The following CAMSAP1 variants were observed in gnomAD, a reference collection of about 807,000 sequenced individuals.
The protein encoded by CAMSAP1 is calmodulin-regulated spectrin-associated protein 1.
CAMSAP1 carries 58 observed loss-of-function variants against 143.5 expected under a neutral mutation model. The observed-to-expected ratio is 0.40, with a 90% CI of 0.33 to 0.50. The LOEUF (loss-of-function observed/expected upper bound fraction) is 0.50, where lower values mean the gene tolerates loss of function less well. Among genes scored for constraint, CAMSAP1 ranks in the 20% least tolerant of loss-of-function variants. CAMSAP1 has a pLI of 0.45. For synonymous variants in CAMSAP1, 945 were observed against 859.3 expected, an observed-to-expected ratio of 1.10 and a Z score of -1.74; for missense variants, 1,969 against 2,115.7, an observed-to-expected ratio of 0.93 and a Z score of 1.36.
At chr9:135,874,355 C>T (rs1165617616) in intron 3 of CAMSAP1, among the ~76,000 whole-genome samples, 2 of 151,366 alleles carry the variant, frequency 1.3e-5, no homozygotes, top group African/African-American at 2.4e-5. Flanking sequence ...TGCTGTAGTC[C>T]CAGCTATTCA....
At chr9:135,843,735 G>A (rs550846355) in intron 7 of CAMSAP1, among the ~76,000 whole-genome samples, 31 of 151,994 alleles carry the variant, frequency 2.0e-4, no homozygotes, top group African/African-American at 4.6e-4. Context: ...TTGGCTGGGC[G>A]TGGTGGCGGG....
At chr9:135,902,448 C>A (rs1838645170) in intron 1 of CAMSAP1, among the ~76,000 whole-genome samples, 1 of 152,146 alleles carries the variant, frequency 6.6e-6, no homozygotes. Context: ...AATAAAGAGT[C>A]TCAATTTTTA....
Position 135,822,082 on chromosome 9 carries a change from T to C in CAMSAP1, c.2579A>G (p.Glu860Gly). 6.2e-7 allele frequency: 1 copy of C among 1,612,632 alleles called. No individual in the cohort carries two copies. Among genetic ancestry groups the C allele is most frequent in the Non-Finnish European group, 8.5e-7 (1 of 1,179,620 alleles). Residue 860 changes from glutamate to glycine, a missense_variant, in exon 11 of 17, where the codon GAG becomes GGG. By Grantham distance (98) the Glu-to-Gly change is moderately conservative (BLOSUM62 -2). Transcript: ENST00000389532. This position sits in a 1 kb window ranked among gnomAD's most constrained non-coding sequence, Gnocchi z 6.1. ...CTTGCCATGCTGGCTCGGACTCTGCTCCCTCTTCTGCCTCCACGTCGTCAG... is the reference window on the plus strand; with the variant it reads ...CTTGCCATGCTGGCTCGGACTCTGCCCCCTCTTCTGCCTCCACGTCGTCAG... ...APLTTWRQKR[E>G]QSPSQHGKDP...
intron 7 of CAMSAP1, among the ~76,000 whole-genome samples, chr9:135,832,872 A>T (rs1283350271): frequency 2.0e-5 from 3 of 152,242 alleles, no homozygotes; most frequent in African/African-American, 7.2e-5. Flanking sequence ...AACACTGATG[A>T]AAGAAATTGA....
chr9:135,887,908 T>C (rs1290038617), intron 1 of CAMSAP1, among the ~76,000 whole-genome samples: 1 of 152,150 alleles, frequency 6.6e-6, no homozygotes, highest in Non-Finnish European at 1.5e-5. Flanking sequence ...GCATTCGCAG[T>C]GGCTGCTGGA....
chr9:135,895,358 A>G (rs1838409565), intron 1 of CAMSAP1, among the ~76,000 whole-genome samples: 1 of 152,218 alleles, frequency 6.6e-6, no homozygotes, highest in African/African-American at 2.4e-5. Context: ...GGTACGATAC[A>G]TACAAGGGAA....
chr9:135,841,877 C>T (rs1435428126), intron 7 of CAMSAP1, among the ~76,000 whole-genome samples: 3 of 152,146 alleles, frequency 2.0e-5, no homozygotes, highest in Non-Finnish European at 4.4e-5. Context: ...TAGATAAATC[C>T]ACAAAGATGA....
chr9:135,904,726 T>C (rs1224994649), intron 1 of CAMSAP1, among the ~76,000 whole-genome samples: 2 of 151,956 alleles, frequency 1.3e-5, no homozygotes, highest in Non-Finnish European at 2.9e-5. Flanking sequence ...CCCAGCACTT[T>C]GGGAGGCCAA....
chr9:135,872,481 G>T (rs2130958942), intron 3 of CAMSAP1, among the ~76,000 whole-genome samples: 1 of 152,172 alleles, frequency 6.6e-6, no homozygotes, highest in South Asian at 2.1e-4. Context: ...AAAAAGAAAA[G>T]AGATAAACAG....
chr9:135,847,444 A>G (rs1836596049), intron 7 of CAMSAP1, among the ~76,000 whole-genome samples: 1 of 152,126 alleles, frequency 6.6e-6, no homozygotes, highest in Admixed American at 6.5e-5. Flanking sequence ...TCACAATGGC[A>G]AAGACTTGGA....
At chr9:135,887,642 G>A (rs1838167205) in intron 1 of CAMSAP1, among the ~76,000 whole-genome samples, 1 of 152,158 alleles carries the variant, frequency 6.6e-6, no homozygotes, top group Admixed American at 6.5e-5. Context: ...TACAGACGCA[G>A]GGAAGGGGTG....
chr9:135,841,542 C>T (rs1337845335), intron 7 of CAMSAP1, among the ~76,000 whole-genome samples: 2 of 152,232 alleles, frequency 1.3e-5, no homozygotes, highest in African/African-American at 2.4e-5. Context: ...GACTCCCGTG[C>T]CTCCTGACTG....
intron 3 of CAMSAP1, among the ~76,000 whole-genome samples, chr9:135,869,277 T>C (rs1019076241): frequency 2.6e-5 from 4 of 151,846 alleles, no homozygotes; most frequent in Non-Finnish European, 5.9e-5. Flanking sequence ...CTGAAGCAGA[T>C]GGAGCTCTTG....
chr9:135,863,762 A>G (rs1837278248), intron 4 of CAMSAP1, among the ~76,000 whole-genome samples: 1 of 152,226 alleles, frequency 6.6e-6, no homozygotes. Context: ...CACACACTAC[A>G]AAACGTGACC....
Position 135,890,352 on chromosome 9 carries a change from T to C in CAMSAP1, c.161-7274A>G, listed in dbSNP as rs146405695. The stretch of plus-strand genomic sequence containing the variant: ...CTGCGGGAGGCTCTGGCCGGCCAAC[T>C]GGGTGGTGAGGAATCACCAGGCCAA... On this transcript the variant is annotated intron_variant, in intron 1 of 16. Coordinates refer to ENST00000389532, the MANE Select transcript of CAMSAP1 (RefSeq NM_015447.4). 3.5e-3 allele frequency among the ~76,000 whole-genome samples: 525 copies of C among 152,142 alleles called. 3 individuals carry two copies. Among genetic ancestry groups the C allele is most frequent in the Middle Eastern group, 0.014 (4 of 294 alleles).
intron 7 of CAMSAP1, among the ~76,000 whole-genome samples, chr9:135,847,308 C>T (rs1348715269): frequency 6.6e-6 from 1 of 151,990 alleles, no homozygotes; most frequent in Non-Finnish European, 1.5e-5. Flanking sequence ...TGAGCTGAGA[C>T]TGTGCCACTG....
chr9:135,818,885 AG>A lies in CAMSAP1; in HGVS notation c.3959+124del. ...AAAGTTCGGGGAGGTGGTCCATGGG[AG>A]GAGTAAGACCGTCACAGGCACTCAT... On this transcript the variant is annotated intron_variant, in intron 12 of 16. Coordinates refer to ENST00000389532, the MANE Select transcript of CAMSAP1 (RefSeq NM_015447.4). This position sits in a 1 kb window ranked among gnomAD's most constrained non-coding sequence, Gnocchi z 7.7. The A allele has an allele frequency of 1.4e-6, 2 of 1,411,052 alleles. No homozygotes were observed. Among genetic ancestry groups the A allele is most frequent in the Non-Finnish European group, 1.9e-6 (2 of 1,048,082 alleles). 87.4% of individuals were successfully genotyped at this position (1,411,052 alleles called of 1,614,324 possible). A position where few individuals can be genotyped will look rare whatever the true frequency, so the allele number is the denominator to read the frequency against.
intron 1 of CAMSAP1, among the ~76,000 whole-genome samples, chr9:135,898,135 G>C (rs962018466): frequency 6.6e-6 from 1 of 152,130 alleles, no homozygotes; most frequent in African/African-American, 2.4e-5. Context: ...AAATAAACCC[G>C]AAGGAAGCAG....
chr9:135,817,584 TG>T (rs55797234), intron 14 of CAMSAP1, among the ~76,000 whole-genome samples: 1 of 151,808 alleles, frequency 6.6e-6, no homozygotes, highest in Admixed American at 6.6e-5. Flanking sequence ...TTTGTAGAGA[TG>T]GGGGGGTCTC....
Sources: gnomAD v4.1 joint callset for allele counts (sites outside exome capture counted in the v4.1 genomes callset) on GRCh38, gnomAD v4.1.1 for gene constraint, Gnocchi (gnomAD v3.1) non-coding constraint, MANE v1.5 for transcripts, NCBI Gene and HGNC (gene_info 2026-07-23, HGNC 2026-07-21) for gene names.